RBFOX1: variants seen among roughly 807,000 people sequenced by gnomAD.
RBFOX1 encodes the protein RNA binding fox-1 homolog 1.
A neutral mutation model predicts 57.7 loss-of-function variants in RBFOX1; 8 were observed. The observed-to-expected ratio is 0.14, with a 90% CI of 0.08 to 0.25. The LOEUF (loss-of-function observed/expected upper bound fraction) is 0.25, where lower values mean the gene tolerates loss of function less well. Ranked by LOEUF, RBFOX1 falls within the 10% of genes least tolerant of loss-of-function variation. The pLI, the probability that RBFOX1 is intolerant of heterozygous loss-of-function variation, is 1.00. For missense variants in RBFOX1, 611 were observed against 548.5 expected (o/e 1.11, Z -1.14); for synonymous variants, 326 against 222.4 (o/e 1.47, Z -4.15).
intron 4 of RBFOX1, among the ~76,000 whole-genome samples, chr16:7,320,366 A>C (rs2096525049): frequency 6.6e-6 from 1 of 152,100 alleles, no homozygotes; most frequent in Non-Finnish European, 1.5e-5. Flanking sequence ...ACTCAGGTTA[A>C]TGGCTTCCAG....
rs1249153929 is a variant in RBFOX1, at chr16:6,706,949, C to A, written c.-16+52299C>A. Among the ~76,000 whole-genome samples, 6 of 151,976 alleles carry A rather than the reference C, an allele frequency of 3.9e-5. No homozygotes were observed. The South Asian group carries it at 1.2e-3, about 31-fold the overall frequency. On this transcript the variant is annotated intron_variant, in intron 3 of 15. Transcript: ENST00000550418. ...AGCTGTATAGTCACTTAAAAGAAAA[C>A]CATGAAAAATTACAAACGTGTGGTA...
intron 1 of RBFOX1, among the ~76,000 whole-genome samples, chr16:5,393,117 G>T (rs1252642599): frequency 1.3e-5 from 2 of 152,074 alleles, no homozygotes; most frequent in Admixed American, 6.6e-5. Flanking sequence ...CAGGTGGATG[G>T]CACCTAGAGT....
At chr16:6,164,031 A>T (rs2096898360) in intron 1 of RBFOX1, among the ~76,000 whole-genome samples, 1 of 152,204 alleles carries the variant, frequency 6.6e-6, no homozygotes, top group Non-Finnish European at 1.5e-5. Flanking sequence ...GAGTAGTTGA[A>T]ATCTTCTTAT....
At chr16:5,619,507 G>A (rs971090182) in intron 3 of RBFOX1, among the ~76,000 whole-genome samples, 1 of 152,120 alleles carries the variant, frequency 6.6e-6, no homozygotes, top group East Asian at 1.9e-4. Context: ...AACAGGGAGC[G>A]ATCTTATCCT....
At chr16:5,326,471 C>T (rs1440962523) in intron 1 of RBFOX1, among the ~76,000 whole-genome samples, 1 of 152,198 alleles carries the variant, frequency 6.6e-6, no homozygotes, top group Non-Finnish European at 1.5e-5. Context: ...CATTCATTTG[C>T]TCAATAATAA....
At chr16:7,007,856 A>C (rs1215277742) in intron 3 of RBFOX1, among the ~76,000 whole-genome samples, 2 of 152,180 alleles carry the variant, frequency 1.3e-5, no homozygotes, top group Non-Finnish European at 2.9e-5. Context: ...ACACCTCAGC[A>C]TTAGGAAGTA....
chr16:6,497,641 C>T (rs1412434757), intron 2 of RBFOX1, among the ~76,000 whole-genome samples: 2 of 152,016 alleles, frequency 1.3e-5, no homozygotes. Context: ...ACTGCAACCT[C>T]TGCCTCCCAG....
intron 2 of RBFOX1, among the ~76,000 whole-genome samples, chr16:6,595,091 G>A (rs913929522): frequency 1.5e-4 from 23 of 152,050 alleles, no homozygotes; most frequent in Admixed American, 1.4e-3. Context: ...CTGGCCTTCC[G>A]TGGTTTTTAA....
chr16:6,344,692 C>T (rs1408369455), intron 2 of RBFOX1, among the ~76,000 whole-genome samples: 3 of 120,678 alleles, frequency 2.5e-5, no homozygotes, highest in Admixed American at 1.8e-4. Flanking sequence ...CCACCGAGCC[C>T]GGTTTTTTTT....
chr16:5,780,008 T>G (rs1001584824), intron 3 of RBFOX1, among the ~76,000 whole-genome samples: 2 of 152,224 alleles, frequency 1.3e-5, no homozygotes, highest in Non-Finnish European at 2.9e-5. Flanking sequence ...TTTGCTATTA[T>G]TATTGTTATT....
chr16:7,084,755 T>C (rs1320323587), intron 4 of RBFOX1, among the ~76,000 whole-genome samples: 3 of 152,222 alleles, frequency 2.0e-5, no homozygotes, highest in Admixed American at 6.5e-5. Context: ...AAAATGAGCA[T>C]TGAGTGAATG....
At chr16:5,879,453 C>G in intron 4 of RBFOX1, among the ~76,000 whole-genome samples, 1 of 152,172 alleles carries the variant, frequency 6.6e-6, no homozygotes, top group Non-Finnish European at 1.5e-5. Flanking sequence ...CCTCAGGCTC[C>G]TAGGTAACCG....
At chr16:7,151,270 G>A (rs867231217) in intron 4 of RBFOX1, among the ~76,000 whole-genome samples, 10 of 152,134 alleles carry the variant, frequency 6.6e-5, no homozygotes, top group African/African-American at 2.4e-4. Context: ...CCTTCACTTG[G>A]ATTCAGAATG....
At chr16:6,487,683 AAAAAAAAAAAAAAAAAAATATATAT>A (rs2095519129) in intron 2 of RBFOX1, among the ~76,000 whole-genome samples, 16 of 13,286 alleles carry the variant, frequency 1.2e-3, no homozygotes, top group Non-Finnish European at 3.6e-4. Flanking sequence ...TAAAAAAAAA[AAAAAAAAAAAAAAAAAAATATATAT>A]ATATATATAT....
chr16:6,537,916 C>A (rs979248963), intron 2 of RBFOX1, among the ~76,000 whole-genome samples: 1 of 151,296 alleles, frequency 6.6e-6, no homozygotes, highest in Non-Finnish European at 1.5e-5. Context: ...AAGAACCGGC[C>A]TAAAGAGCAA....
intron 1 of RBFOX1, among the ~76,000 whole-genome samples, chr16:6,211,606 T>G (rs2097298517): frequency 6.6e-6 from 1 of 152,148 alleles, no homozygotes; most frequent in Non-Finnish European, 1.5e-5. Flanking sequence ...TAAGGGTAGC[T>G]TCAGCAATAT....
chr16:6,920,580 T>C (rs9933662), intron 3 of RBFOX1, among the ~76,000 whole-genome samples: 35,293 of 152,060 alleles, frequency 0.23, 4,203 homozygotes, highest in East Asian at 0.27. Context: ...TCCATTACTG[T>C]TTGGGGAATT....
At chr16:5,661,814 C>T (rs968145769) in intron 3 of RBFOX1, among the ~76,000 whole-genome samples, 1 of 152,012 alleles carries the variant, frequency 6.6e-6, no homozygotes, top group Admixed American at 6.6e-5. Flanking sequence ...GAGATGGAGT[C>T]TCACTCTGTT....
At chr16:6,169,928 C>G (rs755867363) in intron 1 of RBFOX1, among the ~76,000 whole-genome samples, 2 of 152,170 alleles carry the variant, frequency 1.3e-5, no homozygotes, top group Non-Finnish European at 2.9e-5. Flanking sequence ...CCACACCTGA[C>G]TAGTTTTTGT....
Sources: allele counts gnomAD v4.1 joint callset (sites outside exome capture counted in the v4.1 genomes callset), GRCh38; gene constraint gnomAD v4.1.1; transcripts MANE v1.5; gene names NCBI Gene and HGNC (gene_info 2026-07-23, HGNC 2026-07-21).